The following SH2D4A variants were observed in gnomAD, a reference collection of about 807,000 sequenced individuals.
The protein encoded by SH2D4A is SH2 domain containing 4A, also known as SH2 domain-containing protein 4A.
SH2D4A carries 70 observed loss-of-function variants against 64.7 expected under a neutral mutation model. The ratio of observed to expected loss-of-function variants is 1.08; its 90% confidence interval spans 0.89 to 1.32. The LOEUF (loss-of-function observed/expected upper bound fraction) is 1.32, where lower values mean the gene tolerates loss of function less well. Among genes scored for constraint, SH2D4A ranks in the 40% most tolerant of loss-of-function variants. The pLI is 0.00. For synonymous variants in SH2D4A, 268 were observed against 200.7 expected (o/e 1.34, Z -2.83); for missense variants, 706 against 540.1 (o/e 1.31, Z -3.04).
chr8:19,372,088 G>A (rs968128189), intron 7 of SH2D4A, among the ~76,000 whole-genome samples: 29 of 152,264 alleles, frequency 1.9e-4, no homozygotes, highest in African/African-American at 6.7e-4. Context: ...CTTGATGCTT[G>A]TGTATGTGTG....
At position 19,333,023 on chromosome 8, in the gene SH2D4A, C is replaced by A. The variant is rs765284139; in HGVS notation, c.250C>A (p.His84Asn). Residue 84 changes from histidine to asparagine, a missense_variant, in exon 3 of 10, where the codon CAC becomes AAC. Coordinates refer to ENST00000265807, the MANE Select transcript of SH2D4A (RefSeq NM_022071.4). ...AGTCTGGGTATGGGTGATGGGCGAA[C>A]ACCATCTAGATAAACCCTATGATGT... ...KEVWVWVMGE[H>N]HLDKPYDVLC... 2 of 1,614,036 alleles carry A rather than the reference C, an allele frequency of 1.2e-6. No homozygotes were observed. The highest frequency in any genetic ancestry group is 1.7e-6 in the Non-Finnish European group (2 of 1,179,988).
At chr8:19,319,876 G>A (rs1298208792) in intron 2 of SH2D4A, 148 bp downstream of exon 2, 2 of 710,518 alleles carry the variant, frequency 2.8e-6, no homozygotes, top group Non-Finnish European at 4.4e-6. Flanking sequence ...TAATAGTGCA[G>A]TATGTCCACC....
chr8:19,367,360 C>A (rs2053014435), intron 7 of SH2D4A, among the ~76,000 whole-genome samples: 1 of 152,158 alleles, frequency 6.6e-6, no homozygotes, highest in Non-Finnish European at 1.5e-5. Context: ...TATATTCTTA[C>A]TAGCAGGCTA....
chr8:19,321,770 T>G (rs952768816), intron 2 of SH2D4A, among the ~76,000 whole-genome samples: 1 of 152,166 alleles, frequency 6.6e-6, no homozygotes, highest in Non-Finnish European at 1.5e-5. Context: ...CATATATTAG[T>G]GTGATGGGGT....
intron 2 of SH2D4A, among the ~76,000 whole-genome samples, chr8:19,327,047 C>T (rs2052292134): frequency 6.6e-6 from 1 of 152,166 alleles, no homozygotes; most frequent in Non-Finnish European, 1.5e-5. Context: ...TTCAATACTG[C>T]CTAGTTAGAG....
At chr8:19,354,990 C>T (rs745819280) in intron 4 of SH2D4A, among the ~76,000 whole-genome samples, 1 of 152,118 alleles carries the variant, frequency 6.6e-6, no homozygotes, top group Non-Finnish European at 1.5e-5. Context: ...AGCTGCTCTG[C>T]GTCTGTTCTA....
intron 4 of SH2D4A, among the ~76,000 whole-genome samples, chr8:19,355,855 C>T (rs1008768520): frequency 6.6e-6 from 1 of 152,198 alleles, no homozygotes; most frequent in Non-Finnish European, 1.5e-5. Flanking sequence ...TGAAACATGC[C>T]TCCAGCAACT....
intron 7 of SH2D4A, among the ~76,000 whole-genome samples, chr8:19,372,837 T>G (rs1435740168): frequency 6.6e-6 from 1 of 151,020 alleles, no homozygotes; most frequent in Non-Finnish European, 1.5e-5. Context: ...TACTTTGTAT[T>G]TCTTTACTTT....
chr8:19,372,994 C>A (rs1489879034), intron 7 of SH2D4A, among the ~76,000 whole-genome samples: 1 of 152,048 alleles, frequency 6.6e-6, no homozygotes, highest in Non-Finnish European at 1.5e-5. Flanking sequence ...CTATTGTTTG[C>A]AAATACCTGC....
At chr8:19,363,606 C>T (rs2052930776) in intron 6 of SH2D4A, among the ~76,000 whole-genome samples, 1 of 152,172 alleles carries the variant, frequency 6.6e-6, no homozygotes, top group Non-Finnish European at 1.5e-5. Flanking sequence ...TCTGCTCCTT[C>T]ACCCTATGCA....
At chr8:19,335,806 C>T (rs1328096794) in intron 4 of SH2D4A, among the ~76,000 whole-genome samples, 1 of 152,130 alleles carries the variant, frequency 6.6e-6, no homozygotes, top group African/African-American at 2.4e-5. Context: ...TCTTATGGTT[C>T]AGATGGTTTA....
chr8:19,317,018 G>A (rs1468568285), intron 1 of SH2D4A, among the ~76,000 whole-genome samples: 3 of 152,162 alleles, frequency 2.0e-5, no homozygotes, highest in African/African-American at 7.2e-5. Context: ...CACTTTAAGG[G>A]TTTTAGATTC....
intron 4 of SH2D4A, among the ~76,000 whole-genome samples, chr8:19,356,728 A>T (rs986802131): frequency 6.6e-6 from 1 of 152,228 alleles, no homozygotes; most frequent in African/African-American, 2.4e-5. Context: ...ATTGTGGGCC[A>T]GGCAGGGAAA....
In SH2D4A at chr8:19,333,691, G is replaced by A. The variant is rs149543951; in HGVS notation, c.341+577G>A. Among the ~76,000 whole-genome samples, 7 of 152,200 alleles carry A rather than the reference G, an allele frequency of 4.6e-5. No homozygotes were observed. In the East Asian group the frequency reaches 9.7e-4, roughly 21 times the overall value. ...AGTAGACATATGCACAGCTCACTGC[G>A]GCCAGTGCAGGCTGTGATTTGTGCT... On this transcript the variant is annotated intron_variant, in intron 3 of 9. Coordinates refer to ENST00000265807, the MANE Select transcript of SH2D4A (RefSeq NM_022071.4).
At chr8:19,352,809 C>G (rs541361468) in intron 4 of SH2D4A, among the ~76,000 whole-genome samples, 6 of 152,190 alleles carry the variant, frequency 3.9e-5, no homozygotes, top group African/African-American at 1.4e-4. Context: ...GAGTTTGAAA[C>G]CAGCCTGGGC....
At position 19,316,610 on chromosome 8, in the gene SH2D4A, G is replaced by A. The variant is rs569017625; in HGVS notation, c.-204-2734G>A. On this transcript the variant is annotated intron_variant, in intron 1 of 9. Transcript: ENST00000265807. ...CTTAGCTACAGTTGACCAGGAGGAG[G>A]CTTCTGCCCTGTGTCAAGCACCATC... is the stretch of plus-strand genomic sequence containing the variant. Among the ~76,000 whole-genome samples the A allele has an allele frequency of 5.3e-5, 8 of 152,328 alleles. No individual in the cohort carries two copies. The South Asian group carries it at 1.7e-3, about 32-fold the overall frequency.
chr8:19,367,680 T>C (rs2053022269), intron 7 of SH2D4A, among the ~76,000 whole-genome samples: 1 of 152,220 alleles, frequency 6.6e-6, no homozygotes, highest in Non-Finnish European at 1.5e-5. Flanking sequence ...GTCTCTTTAC[T>C]CTGTTGATTG....
intron 8 of SH2D4A, among the ~76,000 whole-genome samples, chr8:19,376,861 A>C (rs1219773795): frequency 6.6e-6 from 1 of 152,184 alleles, no homozygotes; most frequent in East Asian, 1.9e-4. Flanking sequence ...GAATGTAATC[A>C]GGCAAAATCA....
At chr8:19,345,796 A>G (rs1020829399) in intron 4 of SH2D4A, among the ~76,000 whole-genome samples, 2 of 152,216 alleles carry the variant, frequency 1.3e-5, no homozygotes, top group Non-Finnish European at 2.9e-5. Flanking sequence ...GTGTAACCCA[A>G]GTTATATCTT....
Sources: gnomAD v4.1 joint callset for allele counts (sites outside exome capture counted in the v4.1 genomes callset) on GRCh38, gnomAD v4.1.1 for gene constraint, MANE v1.5 for transcripts, NCBI Gene and HGNC (gene_info 2026-07-23, HGNC 2026-07-21) for gene names.